The following PDE1A variants were observed in gnomAD, a reference collection of about 807,000 sequenced individuals.
PDE1A encodes dual specificity calcium/calmodulin-dependent 3',5'-cyclic nucleotide phosphodiesterase 1A.
In PDE1A, 35 loss-of-function variants were observed where a neutral mutation model predicts 61.7. The ratio of observed to expected loss-of-function variants is 0.57; its 90% confidence interval spans 0.43 to 0.75. PDE1A has a LOEUF of 0.75. PDE1A is among the 30% of genes least tolerant of loss of function. The pLI is 0.00. For synonymous variants in PDE1A, 232 were observed against 213.2 expected (o/e 1.09, Z -0.77); for missense variants, 597 against 630.6 (o/e 0.95, Z 0.57).
chr2:182,292,456 C>T (rs965055977), intron 1 of PDE1A, among the ~76,000 whole-genome samples: 13 of 151,580 alleles, frequency 8.6e-5, no homozygotes, highest in Non-Finnish European at 1.3e-4. Context: ...ATGTTTTAGC[C>T]CTAATTTCTG....
the PDE1A span, among the ~76,000 whole-genome samples, chr2:182,654,216 G>A: frequency 6.6e-6 from 1 of 152,192 alleles, no homozygotes; most frequent in Admixed American, 6.5e-5. Context: ...TAAAATACCT[G>A]ACACCACTGC....
the PDE1A span, among the ~76,000 whole-genome samples, chr2:182,597,224 T>G: frequency 6.6e-6 from 1 of 152,014 alleles, no homozygotes; most frequent in Non-Finnish European, 1.5e-5. Flanking sequence ...GTTTCAGACT[T>G]AAGAGCAATT....
At chr2:182,551,055 A>T in the PDE1A span, among the ~76,000 whole-genome samples, 1 of 151,768 alleles carries the variant, frequency 6.6e-6, no homozygotes, top group South Asian at 2.1e-4. Flanking sequence ...GCAAATACAA[A>T]AAAAAAAAAA....
At chr2:182,394,698 C>T (rs958428780) in intron 1 of PDE1A, among the ~76,000 whole-genome samples, 1 of 152,116 alleles carries the variant, frequency 6.6e-6, no homozygotes, top group African/African-American at 2.4e-5. Context: ...CCAATGCATT[C>T]CTGGACTCAT....
At chr2:182,564,780 C>T in the PDE1A span, among the ~76,000 whole-genome samples, 6 of 152,108 alleles carry the variant, frequency 3.9e-5, no homozygotes, top group Non-Finnish European at 7.3e-5. Flanking sequence ...CTAAACTTCC[C>T]TTCTCGCTTC....
At chr2:182,236,647 T>G (rs1247774591) in intron 3 of PDE1A, among the ~76,000 whole-genome samples, 1 of 152,222 alleles carries the variant, frequency 6.6e-6, no homozygotes, top group Non-Finnish European at 1.5e-5. Flanking sequence ...AAGCTTTTTG[T>G]GTAAATGATT....
At chr2:182,684,903 G>T in the PDE1A span, among the ~76,000 whole-genome samples, 1 of 151,774 alleles carries the variant, frequency 6.6e-6, no homozygotes, top group African/African-American at 2.4e-5. Flanking sequence ...TCATATATAC[G>T]TATATAAATG....
intron 7 of PDE1A, among the ~76,000 whole-genome samples, chr2:182,210,899 T>TC (rs573182860): frequency 1.4e-3 from 109 of 75,400 alleles, no homozygotes; most frequent in African/African-American, 5.3e-3. Flanking sequence ...GGGTAATTTA[T>TC]CAAAAAAAAA....
chr2:182,425,395 T>C (rs544242636), intron 1 of PDE1A, among the ~76,000 whole-genome samples: 84 of 152,296 alleles, frequency 5.5e-4, no homozygotes, highest in African/African-American at 2.0e-3. Context: ...TTTAGATTTT[T>C]GGTTATTTAC....
At chr2:182,204,376 T>C (rs994140493) in intron 8 of PDE1A, among the ~76,000 whole-genome samples, 4 of 152,164 alleles carry the variant, frequency 2.6e-5, no homozygotes, top group Non-Finnish European at 5.9e-5. Flanking sequence ...TACTATTTCC[T>C]GCAGAATACA....
chr2:182,439,621 G>A (rs1559464847), intron 2 of PDE1A, among the ~76,000 whole-genome samples: 1 of 152,002 alleles, frequency 6.6e-6, no homozygotes, highest in Non-Finnish European at 1.5e-5. Context: ...TTGGCAGCAT[G>A]GAAGCCACTG....
the PDE1A span, among the ~76,000 whole-genome samples, chr2:182,641,349 A>C: frequency 6.6e-6 from 1 of 152,200 alleles, no homozygotes; most frequent in Non-Finnish European, 1.5e-5. Flanking sequence ...AAATATTTTC[A>C]ATCATTAAAA....
intron 10 of PDE1A, among the ~76,000 whole-genome samples, chr2:182,197,883 C>T (rs748016194): frequency 2.0e-5 from 3 of 151,780 alleles, no homozygotes; most frequent in Non-Finnish European, 4.4e-5. Context: ...GTTTTAGCTG[C>T]CTTAGACTCT....
At chr2:182,293,567 T>C (rs1694678990) in intron 1 of PDE1A, among the ~76,000 whole-genome samples, 2 of 152,098 alleles carry the variant, frequency 1.3e-5, no homozygotes, top group Non-Finnish European at 2.9e-5. Flanking sequence ...ATAGTATGAA[T>C]AATACAATAG....
At chr2:182,519,711 T>TA (rs1381422378) in intron 2 of PDE1A, among the ~76,000 whole-genome samples, 2 of 151,904 alleles carry the variant, frequency 1.3e-5, no homozygotes, top group Non-Finnish European at 3.0e-5. Flanking sequence ...AAAGACTCTC[T>TA]AAAATGTTAT....
intron 10 of PDE1A, 68 bp from the exon 11 acceptor site, chr2:182,189,128 T>C (rs951078928): frequency 9.9e-5 from 93 of 934,690 alleles, no homozygotes; most frequent in Admixed American, 1.7e-4. Flanking sequence ...CAACCTAAGA[T>C]ATAAAGCCTA....
upstream of PDE1A, among the ~76,000 whole-genome samples, chr2:182,526,362 T>A (rs1690774102): frequency 6.6e-6 from 1 of 152,140 alleles, no homozygotes; most frequent in Non-Finnish European, 1.5e-5. Flanking sequence ...TCAAACATAG[T>A]AATCTACAGC....
chr2:182,511,743 C>T (rs1354910242), intron 2 of PDE1A, among the ~76,000 whole-genome samples: 2 of 152,158 alleles, frequency 1.3e-5, no homozygotes, highest in Non-Finnish European at 2.9e-5. Context: ...TTGCCAGCCT[C>T]TCCCCAGAGT....
chr2:182,215,552 T>A (rs1463673573), intron 7 of PDE1A, among the ~76,000 whole-genome samples: 3 of 149,924 alleles, frequency 2.0e-5, no homozygotes, highest in African/African-American at 4.9e-5. Context: ...GAGAAGAATC[T>A]AATAGACGCA....
Sources: gnomAD v4.1 joint callset for allele counts (sites outside exome capture counted in the v4.1 genomes callset) on GRCh38, gnomAD v4.1.1 for gene constraint, MANE v1.5 for transcripts, NCBI Gene and HGNC (gene_info 2026-07-23, HGNC 2026-07-21) for gene names.